The following NRG1 variants were observed in gnomAD, a reference collection of about 807,000 sequenced individuals.
The protein encoded by NRG1 is neuregulin 1.
NRG1 carries 18 observed loss-of-function variants against 63.8 expected under a neutral mutation model. That is an observed-to-expected ratio of 0.28 (90% confidence interval 0.19 to 0.42). The LOEUF (loss-of-function observed/expected upper bound fraction) is 0.42, where lower values mean the gene tolerates loss of function less well. Ranked by LOEUF, NRG1 falls within the 10% of genes least tolerant of loss-of-function variation. The pLI, the probability that NRG1 is intolerant of heterozygous loss-of-function variation, is 1.00. For synonymous variants in NRG1, 302 were observed against 301.3 expected, an observed-to-expected ratio of 1.00 and a Z score of -0.02; for missense variants, 762 against 814.7, an observed-to-expected ratio of 0.94 and a Z score of 0.79.
chr8:31,913,683 T>C (rs890805892), intron 1 of NRG1, among the ~76,000 whole-genome samples: 3 of 152,124 alleles, frequency 2.0e-5, no homozygotes, highest in African/African-American at 7.2e-5. Flanking sequence ...AAGTCACTCT[T>C]AGGCGCTTCT....
intron 5 of NRG1, among the ~76,000 whole-genome samples, chr8:32,684,484 T>G (rs1809541775): frequency 6.6e-6 from 1 of 152,242 alleles, no homozygotes; most frequent in Non-Finnish European, 1.5e-5. Flanking sequence ...AAGTTATTTT[T>G]GTGTTGATAA....
intron 2 of NRG1, among the ~76,000 whole-genome samples, chr8:32,604,398 CAAG>C (rs1844902447): frequency 6.6e-6 from 1 of 152,126 alleles, no homozygotes; most frequent in Admixed American, 6.5e-5. Flanking sequence ...TAATGTGTGA[CAAG>C]AAGACCAGAA....
chr8:32,763,970 G>T (rs1589662859), exon 12 of NRG1: 1 of 1,614,070 alleles, frequency 6.2e-7, no homozygotes, highest in East Asian at 2.2e-5. Flanking sequence ...ACCCTCAGCA[G>T]TTCAGCTCCT....
chr8:32,429,913 T>G (rs2129486668), intron 1 of NRG1, among the ~76,000 whole-genome samples: 1 of 152,296 alleles, frequency 6.6e-6, no homozygotes, highest in South Asian at 2.1e-4. Flanking sequence ...CACATATCCA[T>G]ATGGTGTTTG....
At chr8:32,145,496 T>A (rs144820686) in intron 1 of NRG1, among the ~76,000 whole-genome samples, 1 of 152,350 alleles carries the variant, frequency 6.6e-6, no homozygotes, top group East Asian at 1.9e-4. Context: ...TTTTCTGTGA[T>A]GCCTGCTGGC....
chr8:31,759,368 G>A (rs948944939), intron 1 of NRG1, among the ~76,000 whole-genome samples: 3 of 151,538 alleles, frequency 2.0e-5, no homozygotes, highest in Non-Finnish European at 1.5e-5. Flanking sequence ...CAGACTTTTA[G>A]CTTATACATT....
intron 1 of NRG1, among the ~76,000 whole-genome samples, chr8:32,422,015 T>C (rs1205797970): frequency 9.3e-6 from 1 of 107,918 alleles, no homozygotes; most frequent in Non-Finnish European, 2.0e-5. Flanking sequence ...GGTTGAGGGA[T>C]GAAAAATTAC....
intron 1 of NRG1, among the ~76,000 whole-genome samples, chr8:32,493,650 G>A (rs901477073): frequency 2.6e-5 from 4 of 152,172 alleles, no homozygotes; most frequent in Non-Finnish European, 5.9e-5. Context: ...TACATTAAAG[G>A]AGATTGTTAT....
intron 1 of NRG1, among the ~76,000 whole-genome samples, chr8:32,218,627 C>T (rs961470415): frequency 3.3e-5 from 5 of 152,198 alleles, no homozygotes; most frequent in Admixed American, 6.5e-5. Flanking sequence ...AGAGAAGCAG[C>T]GGCTTTCATA....
chr8:32,731,955 T>TG (rs1823773330), intron 6 of NRG1, among the ~76,000 whole-genome samples: 1 of 152,228 alleles, frequency 6.6e-6, no homozygotes. Flanking sequence ...GTAGTCTCTC[T>TG]GGTCACCTAA....
At chr8:32,284,435 T>C (rs2129473514) in intron 1 of NRG1, among the ~76,000 whole-genome samples, 1 of 151,162 alleles carries the variant, frequency 6.6e-6, no homozygotes, top group South Asian at 2.1e-4. Context: ...CTGAACAAAG[T>C]CTTCCTTGCC....
intron 1 of NRG1, among the ~76,000 whole-genome samples, chr8:31,763,640 A>T (rs1352355960): frequency 6.6e-6 from 1 of 152,216 alleles, no homozygotes; most frequent in Non-Finnish European, 1.5e-5. Flanking sequence ...AAATAAAGGG[A>T]TACAAGAGGC....
Position 31,640,425 on chromosome 8 carries a change from G to T in NRG1, c.37+994G>T. ...CCGTGCCCTCTTGGCCCACCGCCCC[G>T]GTGCCCAGCGCCGGCGAGCCCGGGG... On this transcript the variant is annotated intron_variant, in intron 1 of 10. Transcript: ENST00000519301. The surrounding 1 kb of genome is among the most constrained non-coding windows in gnomAD (Gnocchi z 6.3). 6.7e-7 allele frequency: 1 copy of T among 1,501,716 alleles called. No homozygotes were observed. Among genetic ancestry groups the T allele is most frequent in the Non-Finnish European group, 8.9e-7 (1 of 1,124,584 alleles). The allele number at this position is 1,501,716 out of a possible 1,614,324, so 93.0% of individuals were successfully genotyped here.
At chr8:32,483,863 G>T (rs753676260) in intron 1 of NRG1, among the ~76,000 whole-genome samples, 4 of 152,168 alleles carry the variant, frequency 2.6e-5, no homozygotes, top group African/African-American at 9.7e-5. Flanking sequence ...CCAGCACTTT[G>T]GGGGGCCGAG....
chr8:31,938,012 C>G (rs1801182607), intron 1 of NRG1, among the ~76,000 whole-genome samples: 2 of 152,162 alleles, frequency 1.3e-5, no homozygotes, highest in African/African-American at 2.4e-5. Context: ...CCTTAATACT[C>G]AACCAGATGT....
chr8:32,542,787 T>A (rs1421978530), intron 1 of NRG1, among the ~76,000 whole-genome samples: 1 of 152,194 alleles, frequency 6.6e-6, no homozygotes. Flanking sequence ...AAAAGACTCT[T>A]CTGACTACAG....
intron 1 of NRG1, among the ~76,000 whole-genome samples, chr8:32,372,389 C>T (rs1365953327): frequency 6.6e-6 from 1 of 152,012 alleles, no homozygotes; most frequent in Non-Finnish European, 1.5e-5. Flanking sequence ...CCTTCGTCTG[C>T]CTCACCAGAT....
intron 1 of NRG1, among the ~76,000 whole-genome samples, chr8:31,838,715 A>G (rs1050156415): frequency 1.3e-5 from 2 of 152,112 alleles, no homozygotes; most frequent in African/African-American, 2.4e-5. Flanking sequence ...TTTTGCATGT[A>G]TGCATCAAAG....
intron 1 of NRG1, among the ~76,000 whole-genome samples, chr8:32,432,424 A>C (rs922763629): frequency 6.6e-6 from 1 of 152,178 alleles, no homozygotes; most frequent in Non-Finnish European, 1.5e-5. Flanking sequence ...GCCCAAGACC[A>C]CATAATCAGA....
Sources: gnomAD v4.1 joint callset for allele counts (sites outside exome capture counted in the v4.1 genomes callset) on GRCh38, gnomAD v4.1.1 for gene constraint, Gnocchi (gnomAD v3.1) non-coding constraint, MANE v1.5 for transcripts, NCBI Gene and HGNC (gene_info 2026-07-23, HGNC 2026-07-21) for gene names.